Variants in GBP7 observed in about 807,000 individuals in gnomAD.
The protein encoded by GBP7 is guanylate-binding protein 7.
GBP7 carries 43 observed loss-of-function variants against 61.3 expected under a neutral mutation model. The ratio of observed to expected loss-of-function variants is 0.70; its 90% confidence interval spans 0.55 to 0.91. The LOEUF is 0.91. Ranked by LOEUF, GBP7 falls within the 40% of genes least tolerant of loss-of-function variation. The probability of loss-of-function intolerance (pLI) is 0.00; values close to 1 mark genes in which losing one functional copy is unlikely to be tolerated. For synonymous variants in GBP7, 267 were observed against 271.0 expected, an observed-to-expected ratio of 0.99 and a Z score of 0.14; for missense variants, 717 against 740.5, an observed-to-expected ratio of 0.97 and a Z score of 0.37.
intron 1 of GBP7, among the ~76,000 whole-genome samples, chr1:89,174,102 T>C (rs1350518544): frequency 6.6e-6 from 1 of 152,234 alleles, no homozygotes; most frequent in Non-Finnish European, 1.5e-5. Flanking sequence ...ATGTATCTAC[T>C]CCTTTATGTG....
intron 3 of GBP7, among the ~76,000 whole-genome samples, chr1:89,159,548 C>T (rs924005311): frequency 1.4e-4 from 21 of 152,202 alleles, no homozygotes; most frequent in African/African-American, 3.4e-4. Flanking sequence ...AAAAAGTGGG[C>T]GAAGGATATG....
intron 9 of GBP7, 49 bp downstream of exon 9, chr1:89,141,497 G>A (rs1388775375): frequency 1.1e-5 from 16 of 1,508,964 alleles, no homozygotes; most frequent in Non-Finnish European, 1.5e-5. Flanking sequence ...TCAAGAGAGT[G>A]TTGCAAGAAC....
In GBP7 at chr1:89,152,336, T is replaced by C. The variant is rs770863598; in HGVS notation, c.557A>G (p.Glu186Gly). 6.2e-7 allele frequency: 1 copy of C among 1,614,120 alleles called. No individual in the cohort carries two copies. ...FIWTVRDFTLELKLDGHPITE... is the reference protein window; with the variant it reads ...FIWTVRDFTLGLKLDGHPITE... ...GATGGGGTGTCCATCTAACTTCAGC[T>C]CCAGGGTAAAATCTCGAACAGTCCA... The change falls in exon 5 of 11, where the codon GAG (glutamate) becomes GGG (glycine). Residue 186 changes from glutamate (E) to glycine (G), a missense_variant. By Grantham distance (98) the Glu-to-Gly change is moderately conservative. Transcript: ENST00000294671.
intron 3 of GBP7, among the ~76,000 whole-genome samples, chr1:89,160,298 C>G (rs1036624989): frequency 1.3e-5 from 2 of 152,052 alleles, no homozygotes; most frequent in African/African-American, 4.8e-5. Context: ...CAACATGGCA[C>G]GTGTGTACAT....
At position 89,155,224 on chromosome 1, in the gene GBP7, T is replaced by C. The variant is rs554683650; in HGVS notation, c.319-2447A>G. Among the ~76,000 whole-genome samples the C allele has an allele frequency of 3.5e-4, 54 of 152,124 alleles. 1 individual carries two copies. Among genetic ancestry groups the C allele is most frequent in the African/African-American group, 1.2e-3 (51 of 41,510 alleles). On this transcript the variant is annotated intron_variant, in intron 3 of 10. Coordinates refer to ENST00000294671, the MANE Select transcript of GBP7 (RefSeq NM_207398.3). ...GCATCACCATTGCAAAGACCAAAGG[T>C]AGATAAAACCACAAAGATGGGGAGA... is the stretch of plus-strand genomic sequence containing the variant.
intron 9 of GBP7, among the ~76,000 whole-genome samples, chr1:89,136,725 A>G (rs973003811): frequency 3.3e-5 from 5 of 152,142 alleles, no homozygotes; most frequent in African/African-American, 1.2e-4. Flanking sequence ...CAAATTAACA[A>G]TCTAACATTA....
At chr1:89,138,080 C>T (rs758262589) in intron 9 of GBP7, among the ~76,000 whole-genome samples, 1 of 151,916 alleles carries the variant, frequency 6.6e-6, no homozygotes, top group African/African-American at 2.4e-5. Flanking sequence ...AATAAAATAC[C>T]TAGGTTTACA....
chr1:89,147,240 TA>T (rs1682090207), intron 8 of GBP7, among the ~76,000 whole-genome samples: 1 of 152,214 alleles, frequency 6.6e-6, no homozygotes, highest in African/African-American at 2.4e-5. Flanking sequence ...CCATCTTGTG[TA>T]AAATCGTAAG....
intron 8 of GBP7, among the ~76,000 whole-genome samples, chr1:89,143,150 G>T (rs1002188686): frequency 1.3e-5 from 2 of 152,206 alleles, no homozygotes; most frequent in Non-Finnish European, 2.9e-5. Context: ...CATTAGCAAT[G>T]TGTGAGAATT....
chr1:89,149,051 A>G (rs891461139), intron 7 of GBP7, among the ~76,000 whole-genome samples: 1 of 152,204 alleles, frequency 6.6e-6, no homozygotes, highest in Non-Finnish European at 1.5e-5. Flanking sequence ...TGTAGTTAGT[A>G]TGTTGTATAA....
At position 89,133,337 on chromosome 1, in the gene GBP7, G is replaced by A. The variant is rs201352186; in HGVS notation, c.1583C>T (p.Ala528Val). The A allele has an allele frequency of 6.2e-7, 1 of 1,613,902 alleles. No individual in the cohort carries two copies. The highest frequency in any genetic ancestry group is 1.1e-5 in the South Asian group (1 of 91,072). Reference sequence around the variant, plus strand: ...CCTCTCCATCTTCTTCTTGAGTTGAGCTATGTTTTCCTGGAAACTTCTCTC... The same window carrying A: ...CCTCTCCATCTTCTTCTTGAGTTGAACTATGTTTTCCTGGAAACTTCTCTC... ...AQERSFQENIAQLKKKMERER... is the reference protein window; with the variant it reads ...AQERSFQENIVQLKKKMERER... Residue 528 changes from alanine (A) to valine (V), a missense_variant, in exon 10 of 11, where the codon GCT becomes GTT. Ala to Val is a moderately conservative substitution (Grantham distance 64, BLOSUM62 0). Transcript: ENST00000294671.
At chr1:89,164,431 G>C (rs377196178) in intron 3 of GBP7, among the ~76,000 whole-genome samples, 1 of 152,178 alleles carries the variant, frequency 6.6e-6, no homozygotes, top group South Asian at 2.1e-4. Flanking sequence ...ATTGATTAGC[G>C]TAGAGCTTTG....
intron 3 of GBP7, among the ~76,000 whole-genome samples, chr1:89,153,241 A>T (rs1480257443): frequency 2.0e-5 from 3 of 152,206 alleles, no homozygotes; most frequent in Non-Finnish European, 4.4e-5. Flanking sequence ...TGATTCATTC[A>T]CTTATTAATT....
intron 8 of GBP7, among the ~76,000 whole-genome samples, chr1:89,142,299 C>G (rs1273759507): frequency 2.0e-5 from 3 of 152,056 alleles, no homozygotes; most frequent in Non-Finnish European, 4.4e-5. Context: ...ACTCTGTCAC[C>G]CAAGCACAAG....
chr1:89,158,716 CA>C (rs2100653602), intron 3 of GBP7, among the ~76,000 whole-genome samples: 1 of 152,236 alleles, frequency 6.6e-6, no homozygotes, highest in Non-Finnish European at 1.5e-5. Flanking sequence ...AAAGAGGACA[CA>C]AACAAATGGA....
intron 3 of GBP7, among the ~76,000 whole-genome samples, chr1:89,161,208 C>T (rs543083305): frequency 6.6e-6 from 1 of 151,848 alleles, no homozygotes; most frequent in Non-Finnish European, 1.5e-5. Flanking sequence ...GATGCCATGT[C>T]TTTGCTATTG....
At chr1:89,143,615 C>A (rs1220035225) in intron 8 of GBP7, among the ~76,000 whole-genome samples, 2 of 152,046 alleles carry the variant, frequency 1.3e-5, no homozygotes, top group East Asian at 1.9e-4. Context: ...AGGAAACATG[C>A]CTTCTGGTAA....
intron 2 of GBP7, among the ~76,000 whole-genome samples, chr1:89,169,025 C>G (rs1647527136): frequency 6.6e-6 from 1 of 151,998 alleles, no homozygotes; most frequent in South Asian, 2.1e-4. Flanking sequence ...CAGTTTACCC[C>G]AAATTTAGTC....
chr1:89,142,534 A>G (rs1681977907), intron 8 of GBP7, among the ~76,000 whole-genome samples: 1 of 152,230 alleles, frequency 6.6e-6, no homozygotes, highest in Non-Finnish European at 1.5e-5. Flanking sequence ...TATAGGTGTG[A>G]GCCACTGTAC....
Sources: allele counts gnomAD v4.1 joint callset (sites outside exome capture counted in the v4.1 genomes callset), GRCh38; gene constraint gnomAD v4.1.1; transcripts MANE v1.5; gene names NCBI Gene and HGNC (gene_info 2026-07-23, HGNC 2026-07-21).